The following SLC18A2 variants were observed in gnomAD, a reference collection of about 807,000 sequenced individuals.
SLC18A2 encodes solute carrier family 18 member A2, also known as synaptic vesicular amine transporter.
In SLC18A2, 33 loss-of-function variants were observed where a neutral mutation model predicts 59.2. The observed-to-expected ratio is 0.56, with a 90% confidence interval of 0.42 to 0.75. The LOEUF is 0.75. SLC18A2 is among the 30% of genes least tolerant of loss of function. The pLI is 0.00. For synonymous variants in SLC18A2, 228 were observed against 253.5 expected (o/e 0.90, Z 0.95); for missense variants, 569 against 668.6 (o/e 0.85, Z 1.64).
intron 3 of SLC18A2, among the ~76,000 whole-genome samples, chr10:117,249,922 C>G (rs1844143748): frequency 6.6e-6 from 1 of 152,164 alleles, no homozygotes; most frequent in Non-Finnish European, 1.5e-5. Context: ...TGAATCAGAT[C>G]TGGCTCTGCT....
chr10:117,247,846 G>A (rs979941034), intron 3 of SLC18A2, among the ~76,000 whole-genome samples: 3 of 152,146 alleles, frequency 2.0e-5, no homozygotes, highest in Non-Finnish European at 4.4e-5. Context: ...ACTGAAGTGG[G>A]ACCCACTCTG....
intron 2 of SLC18A2, among the ~76,000 whole-genome samples, chr10:117,242,873 C>T (rs892733889): frequency 4.6e-5 from 7 of 152,068 alleles, no homozygotes; most frequent in African/African-American, 1.2e-4. Flanking sequence ...GCTGGGTTAC[C>T]GGCATGCCCC....
Position 117,277,340 on chromosome 10 carries a change from ACTGT to A in SLC18A2, c.*77_*80del. ...TTTCCAGTGACACAACTCATCCAGA[ACTGT>A]CTTAGTCATACCATCCATCCCTGGT... is the stretch of plus-strand genomic sequence containing the variant. On this transcript the variant is annotated 3_prime_UTR_variant, in exon 16 of 16. Transcript: ENST00000644641. 2.2e-6 allele frequency: 2 copies of A among 897,176 alleles called. No individual in the cohort carries two copies. Among genetic ancestry groups the A allele is most frequent in the East Asian group, 2.6e-5 (1 of 38,720 alleles). 55.6% of individuals were successfully genotyped at this position (897,176 alleles called of 1,614,324 possible).
At chr10:117,259,286 C>T (rs1264610114) in intron 10 of SLC18A2, among the ~76,000 whole-genome samples, 3 of 152,108 alleles carry the variant, frequency 2.0e-5, no homozygotes, top group Admixed American at 2.0e-4. Flanking sequence ...TGAATATATC[C>T]ACCAAAGTTT....
At chr10:117,267,891 C>T in intron 13 of SLC18A2, 155 bp downstream of exon 13, 1 of 523,560 alleles carries the variant, frequency 1.9e-6, no homozygotes, top group Non-Finnish European at 3.5e-6. Flanking sequence ...TGTCGATTCT[C>T]CGTGTAAAGA....
At position 117,263,639 on chromosome 10, in the gene SLC18A2, G is replaced by A. The variant is rs549737750; in HGVS notation, c.992-3094G>A. Among the ~76,000 whole-genome samples, 129 of 152,298 alleles carry A rather than the reference G, an allele frequency of 8.5e-4. No homozygotes were observed. The Middle Eastern group carries it at 0.01, about 12-fold the overall frequency. On this transcript the variant is annotated intron_variant, in intron 10 of 15. Transcript: ENST00000644641. Reference sequence around the variant, plus strand: ...GGTGGAGAAAGAATGATTTCATGGTGTTTTCTCTATATCTGAGTTCTAGGT... The same window carrying A: ...GGTGGAGAAAGAATGATTTCATGGTATTTTCTCTATATCTGAGTTCTAGGT...
intron 12 of SLC18A2, 167 bp downstream of exon 12, chr10:117,267,202 T>C: frequency 1.7e-6 from 1 of 593,228 alleles, no homozygotes; most frequent in Non-Finnish European, 3.0e-6. Context: ...GACAAGACTT[T>C]CCAAGGAGTG....
At chr10:117,246,261 G>A (rs1391989361) in intron 3 of SLC18A2, among the ~76,000 whole-genome samples, 3 of 152,220 alleles carry the variant, frequency 2.0e-5, no homozygotes, top group Non-Finnish European at 4.4e-5. Flanking sequence ...GCCGTACAGT[G>A]TAATACTTAG....
At position 117,241,180 on chromosome 10, in the gene SLC18A2, G is replaced by A. The variant is rs60987089; in HGVS notation, c.-56G>A. On this transcript the variant is annotated 5_prime_UTR_variant, in exon 1 of 16. Transcript: ENST00000644641. ...CCCACTGCGGTGCGGGCGTTGGCGCGGGCACGGAGGACCCGGGCAGGCATC... is the reference window on the plus strand; with the variant it reads ...CCCACTGCGGTGCGGGCGTTGGCGCAGGCACGGAGGACCCGGGCAGGCATC... 2.6e-3 allele frequency: 400 copies of A among 152,592 alleles called. 1 individual carries two copies. Among genetic ancestry groups the A allele is most frequent in the Admixed American group, 4.1e-3 (63 of 15,296 alleles). 9.5% of individuals were successfully genotyped at this position (152,592 alleles called of 1,614,324 possible).
At chr10:117,245,203 G>T (rs1194459185) in intron 3 of SLC18A2, among the ~76,000 whole-genome samples, 3 of 152,192 alleles carry the variant, frequency 2.0e-5, no homozygotes, top group Non-Finnish European at 4.4e-5. Flanking sequence ...TGCCAAGTGC[G>T]CAGTGTAGCT....
chr10:117,259,745 C>A (rs548096727), intron 10 of SLC18A2, among the ~76,000 whole-genome samples: 1 of 152,118 alleles, frequency 6.6e-6, no homozygotes. Context: ...TGTAGGAGCC[C>A]GAGGGACCTT....
At chr10:117,252,237 G>A (rs757589514) in intron 3 of SLC18A2, among the ~76,000 whole-genome samples, 2 of 140,188 alleles carry the variant, frequency 1.4e-5, no homozygotes, top group Non-Finnish European at 3.0e-5. Flanking sequence ...GCCCACCTCG[G>A]CCTCCCAAAG....
At chr10:117,266,143 A>T (rs1844346525) in intron 10 of SLC18A2, among the ~76,000 whole-genome samples, 1 of 151,876 alleles carries the variant, frequency 6.6e-6, no homozygotes, top group Non-Finnish European at 1.5e-5. Context: ...GACCAGGCAG[A>T]CATTTATGTT....
rs1844536501 is a variant in SLC18A2, at chr10:117,278,711, T to C, written c.*1445T>C. 1 of 152,230 alleles carries C rather than the reference T, an allele frequency of 6.6e-6. No homozygotes were observed. Among genetic ancestry groups the C allele is most frequent in the Non-Finnish European group, 1.5e-5 (1 of 68,042 alleles). 9.4% of individuals were successfully genotyped at this position (152,230 alleles called of 1,614,324 possible). A position where few individuals can be genotyped will look rare whatever the true frequency, so the allele number is the denominator to read the frequency against. ...AACAGACTCCTCAATCTTGTGACTT[T>C]CTTATTCTCTAGGAAAGTAACACTT... is the stretch of plus-strand genomic sequence containing the variant. On this transcript the variant is annotated 3_prime_UTR_variant, in exon 16 of 16. Transcript: ENST00000644641.
At chr10:117,275,753 T>C (rs549100903) in intron 15 of SLC18A2, among the ~76,000 whole-genome samples, 11 of 152,366 alleles carry the variant, frequency 7.2e-5, no homozygotes, top group African/African-American at 2.4e-4. Context: ...CAAATACTAT[T>C]GGACAATCTG....
chr10:117,278,102 CATG>C lies in SLC18A2; in HGVS notation c.*839_*841del, dbSNP rs1289252693. The C allele has an allele frequency of 3.3e-5, 5 of 152,124 alleles. No individual in the cohort carries two copies. Among genetic ancestry groups the C allele is most frequent in the Non-Finnish European group, 7.4e-5 (5 of 68,022 alleles). The allele number at this position is 152,124 out of a possible 1,614,324, so 9.4% of individuals were successfully genotyped here. On this transcript the variant is annotated 3_prime_UTR_variant, in exon 16 of 16. Transcript: ENST00000644641. ...CCTTATACTGTCAAGGTTGTTTAAACATGATAAGGTTAATCGCCATCTACTTCA... is the reference window on the plus strand; with the variant it reads ...CCTTATACTGTCAAGGTTGTTTAAACATAAGGTTAATCGCCATCTACTTCA...
rs773208426 is a variant in SLC18A2 at position 117,254,077 on chromosome 10, C to T, written c.553C>T (p.Leu185=). The T allele has an allele frequency of 1.1e-5, 17 of 1,613,686 alleles. No homozygotes were observed. In the African/African-American group the frequency reaches 2.0e-4, roughly 19 times the overall value. Residue 185 remains leucine, a synonymous_variant, in exon 5 of 16, where the codon CTG becomes TTG. Transcript: ENST00000644641. ...TGCCTTCTCCAGCAGCTATGCCTTC[C>T]TGCTGATTGCCAGGTCGCTGCAGGG... ...MFAFSSSYAF[L]LIARSLQGIG...
At chr10:117,273,309 T>C (rs1383201783) in intron 15 of SLC18A2, among the ~76,000 whole-genome samples, 1 of 152,220 alleles carries the variant, frequency 6.6e-6, no homozygotes, top group African/African-American at 2.4e-5. Flanking sequence ...GAAAAGTGTC[T>C]TATAAGACAG....
chr10:117,261,629 C>T (rs1022074943), intron 10 of SLC18A2, among the ~76,000 whole-genome samples: 1 of 152,176 alleles, frequency 6.6e-6, no homozygotes, highest in African/African-American at 2.4e-5. Context: ...GAAGCTGCCC[C>T]CTGGCTTAGA....
Sources: allele counts gnomAD v4.1 joint callset (sites outside exome capture counted in the v4.1 genomes callset), GRCh38; gene constraint gnomAD v4.1.1; transcripts MANE v1.5; gene names NCBI Gene and HGNC (gene_info 2026-07-23, HGNC 2026-07-21).